Variants in ACSS3 observed in about 807,000 individuals in gnomAD.
ACSS3 encodes acyl-CoA synthetase short chain family member 3.
A neutral mutation model predicts 84.2 loss-of-function variants in ACSS3; 64 were observed. That is an observed-to-expected ratio of 0.76 (90% CI 0.62 to 0.94). ACSS3 has a LOEUF of 0.94. Ranked by LOEUF, ACSS3 falls within the 40% of genes least tolerant of loss-of-function variation. The probability of loss-of-function intolerance (pLI) is 0.00; values close to 1 mark genes in which losing one functional copy is unlikely to be tolerated. For synonymous variants in ACSS3, 317 were observed against 310.1 expected (o/e 1.02, Z -0.23); for missense variants, 815 against 867.6 (o/e 0.94, Z 0.76).
chr12:81,191,443 T>A (rs1299123313), intron 8 of ACSS3, among the ~76,000 whole-genome samples: 1 of 152,226 alleles, frequency 6.6e-6, no homozygotes, highest in East Asian at 1.9e-4. Flanking sequence ...GTTTTGCTCG[T>A]CTCATAAAAT....
intron 10 of ACSS3, among the ~76,000 whole-genome samples, chr12:81,219,617 A>G (rs557774193): frequency 3.9e-5 from 6 of 152,130 alleles, no homozygotes; most frequent in Admixed American, 3.9e-4. Flanking sequence ...TGGTGCTTGT[A>G]AGTATTTTAT....
chr12:81,110,467 G>A lies in ACSS3; in HGVS notation c.456+763G>A, dbSNP rs1217506871. Among the ~76,000 whole-genome samples the A allele has an allele frequency of 2.0e-5, 3 of 152,250 alleles. No homozygotes were observed. The East Asian group carries it at 5.8e-4, about 29-fold the overall frequency. ...TTATTAACATTAGGGTAGAAATAAG[G>A]CCTCAGAAGTAATTATAAAAAGTAT... On this transcript the variant is annotated intron_variant, in intron 2 of 15. Coordinates refer to ENST00000548058, the MANE Select transcript of ACSS3 (RefSeq NM_024560.4).
At chr12:81,142,235 C>T (rs1454134292) in intron 4 of ACSS3, among the ~76,000 whole-genome samples, 1 of 152,128 alleles carries the variant, frequency 6.6e-6, no homozygotes, top group African/African-American at 2.4e-5. Flanking sequence ...CTTGTGCTAA[C>T]ATGTTCGCCA....
intron 13 of ACSS3, among the ~76,000 whole-genome samples, chr12:81,243,961 C>A (rs143671384): frequency 3.0e-4 from 45 of 152,134 alleles, no homozygotes; most frequent in African/African-American, 9.9e-4. Flanking sequence ...ATACAAATTT[C>A]TGACGTATAT....
intron 2 of ACSS3, among the ~76,000 whole-genome samples, chr12:81,132,043 G>A (rs1349510201): frequency 6.6e-6 from 1 of 152,124 alleles, no homozygotes; most frequent in Non-Finnish European, 1.5e-5. Context: ...ATTTTATTGA[G>A]GATTTTTGCA....
rs1403415163 is a variant in ACSS3 at position 81,107,511 on chromosome 12, C to CACACATATATATAT, written c.312-2048_312-2047insCACATATATATATA. On this transcript the variant is annotated intron_variant, in intron 1 of 15. Coordinates refer to ENST00000548058, the MANE Select transcript of ACSS3 (RefSeq NM_024560.4). ...TTTTTTTTTCAGGTACAAATATATACATATATATATATATATATATATATA... is the reference window on the plus strand; with the variant it reads ...TTTTTTTTTCAGGTACAAATATATACACACATATATATATATATATATATATATATATATATATA... Among the ~76,000 whole-genome samples the CACACATATATATAT allele has an allele frequency of 1.4e-3, 55 of 38,832 alleles. 2 individuals carry two copies. The highest frequency in any genetic ancestry group is 4.6e-3 in the African/African-American group (54 of 11,728). 25.5% of individuals were successfully genotyped at this position (38,832 alleles called of 152,430 possible). A position where few individuals can be genotyped will look rare whatever the true frequency, so the allele number is the denominator to read the frequency against.
intron 1 of ACSS3, among the ~76,000 whole-genome samples, chr12:81,082,199 C>A (rs6539554): frequency 2.0e-5 from 3 of 151,966 alleles, no homozygotes; most frequent in African/African-American, 7.3e-5. Flanking sequence ...GGTAGGTTTT[C>A]GACCCTGGCC....
chr12:81,251,732 G>A (rs2034161933), intron 13 of ACSS3, among the ~76,000 whole-genome samples: 2 of 150,934 alleles, frequency 1.3e-5, no homozygotes, highest in Admixed American at 1.3e-4. Context: ...AGAACCAGCT[G>A]TTGAAGAGGC....
intron 9 of ACSS3, among the ~76,000 whole-genome samples, chr12:81,211,606 T>C (rs1376321586): frequency 1.3e-5 from 2 of 152,224 alleles, no homozygotes; most frequent in East Asian, 3.9e-4. Flanking sequence ...CACAGAAATC[T>C]ATTAACCAGT....
rs566270568 is a variant in ACSS3 at position 81,107,511 on chromosome 12, CATATATATATATATATATATATAT to C, written c.312-2023_312-2000del. Reference sequence around the variant, plus strand: ...TTTTTTTTTCAGGTACAAATATATACATATATATATATATATATATATATATATATATATATATATATATATATA... The same window carrying C: ...TTTTTTTTTCAGGTACAAATATATACATATATATATATATATATATATATA... On this transcript the variant is annotated intron_variant, in intron 1 of 15. Transcript: ENST00000548058. Among the ~76,000 whole-genome samples, 354 of 38,846 alleles carry C rather than the reference CATATATATATATATATATATATAT, an allele frequency of 9.1e-3. 12 individuals are homozygous for C. The Middle Eastern group carries it at 0.11, about 12-fold the overall frequency. The allele number at this position is 38,846 out of a possible 152,430, so 25.5% of individuals were successfully genotyped here.
chr12:81,107,509 T>TATACAC (rs1362047939), intron 1 of ACSS3, among the ~76,000 whole-genome samples: 2 of 29,948 alleles, frequency 6.7e-5, no homozygotes, highest in African/African-American at 1.9e-4. Flanking sequence ...TACAAATATA[T>TATACAC]ACATATATAT....
rs148179627 is a variant in ACSS3, at chr12:81,201,059, A to C, written c.1354+1615A>C. Among the ~76,000 whole-genome samples the C allele has an allele frequency of 4.1e-4, 62 of 152,262 alleles. No individual in the cohort carries two copies. The East Asian group carries it at 0.01, about 25-fold the overall frequency. ...TTCCAGTTTTATTTACTAAGGGGAA[A>C]ATTATTTAAACTCAGATTTGTAACT... On this transcript the variant is annotated intron_variant, in intron 9 of 15. Coordinates refer to ENST00000548058, the MANE Select transcript of ACSS3 (RefSeq NM_024560.4).
intron 9 of ACSS3, among the ~76,000 whole-genome samples, chr12:81,200,734 T>C (rs1341284798): frequency 6.6e-6 from 1 of 151,828 alleles, no homozygotes; most frequent in Non-Finnish European, 1.5e-5. Context: ...ACCCCATCTC[T>C]ACTTAAAATA....
intron 13 of ACSS3, among the ~76,000 whole-genome samples, chr12:81,238,765 C>T (rs1161993260): frequency 6.6e-6 from 1 of 150,810 alleles, no homozygotes; most frequent in Non-Finnish European, 1.5e-5. Flanking sequence ...TTTCCTTAGC[C>T]TGGCTAGAGG....
intron 9 of ACSS3, among the ~76,000 whole-genome samples, chr12:81,203,992 A>G (rs2135908833): frequency 6.6e-6 from 1 of 152,288 alleles, no homozygotes; most frequent in Admixed American, 6.5e-5. Flanking sequence ...TGCCAAAAAA[A>G]AGAAATGAAC....
Position 81,249,507 on chromosome 12 carries a change from C to CTATT in ACSS3, c.1720-3798_1720-3795dup, listed in dbSNP as rs1050135038. Reference sequence around the variant, plus strand: ...GAGGGTTGTTCTAACCAAAGTGTCACTATTTGTTTTCCAAGGTAGCTATTT... The same window carrying CTATT: ...GAGGGTTGTTCTAACCAAAGTGTCACTATTTATTTGTTTTCCAAGGTAGCTATTT... On this transcript the variant is annotated intron_variant, in intron 13 of 15. Transcript: ENST00000548058. Among the ~76,000 whole-genome samples the CTATT allele has an allele frequency of 3.3e-5, 5 of 152,092 alleles. No individual in the cohort carries two copies. The East Asian group carries it at 9.7e-4, about 29-fold the overall frequency.
intron 1 of ACSS3, among the ~76,000 whole-genome samples, chr12:81,087,696 T>C (rs1447208205): frequency 6.6e-6 from 1 of 152,116 alleles, no homozygotes; most frequent in African/African-American, 2.4e-5. Context: ...GATTTTCAAT[T>C]GAGAGGCAAG....
At chr12:81,172,057 A>G (rs374937639) in intron 7 of ACSS3, among the ~76,000 whole-genome samples, 16 of 152,154 alleles carry the variant, frequency 1.1e-4, no homozygotes, top group Admixed American at 9.8e-4. Context: ...GCCTGAGGTC[A>G]GAAGTTCAAG....
intron 7 of ACSS3, among the ~76,000 whole-genome samples, chr12:81,155,182 C>G (rs1192119633): frequency 6.6e-6 from 1 of 152,180 alleles, no homozygotes; most frequent in African/African-American, 2.4e-5. Context: ...ATACTCTACT[C>G]CTCGTTTTCT....
Sources: gnomAD v4.1 joint callset for allele counts (sites outside exome capture counted in the v4.1 genomes callset) on GRCh38, gnomAD v4.1.1 for gene constraint, MANE v1.5 for transcripts, NCBI Gene and HGNC (gene_info 2026-07-23, HGNC 2026-07-21) for gene names.